Variants in CLCN5 observed in about 807,000 individuals in gnomAD.
CLCN5 encodes Cl-/H+ antiporter 5, also known as H(+)/Cl(-) exchange transporter 5.
Under a neutral mutation model 54.0 loss-of-function variants are expected in CLCN5, and 17 were observed. The observed-to-expected ratio is 0.31, with a 90% CI of 0.22 to 0.47. The LOEUF (loss-of-function observed/expected upper bound fraction) is 0.47, where lower values mean the gene tolerates loss of function less well. Among genes scored for constraint, CLCN5 ranks in the 20% least tolerant of loss-of-function variants. The pLI, the probability that CLCN5 is intolerant of heterozygous loss-of-function variation, is 1.00. For synonymous variants in CLCN5, 222 were observed against 233.0 expected, an observed-to-expected ratio of 0.95 and a Z score of 0.43; for missense variants, 448 against 646.7, an observed-to-expected ratio of 0.69 and a Z score of 3.33.
chrX:49,999,547 C>T (rs150940072), intron 3 of CLCN5, among the ~76,000 whole-genome samples: 3 of 110,403 alleles, frequency 2.7e-5, no homozygotes, highest in African/African-American at 9.9e-5. Context: ...ATCCTTCGGC[C>T]TGTTAGTGTT....
intron 4 of CLCN5, among the ~76,000 whole-genome samples, chrX:50,045,081 G>C (rs1932351152): frequency 9.0e-6 from 1 of 111,237 alleles, no homozygotes; most frequent in Non-Finnish European, 1.9e-5. Context: ...ATTATAACTG[G>C]GGAATAATAC....
chrX:50,076,090 C>A, intron 7 of CLCN5, 108 bp downstream of exon 7: 1 of 745,827 alleles, frequency 1.3e-6, no homozygotes, highest in Non-Finnish European at 2.0e-6. Context: ...TTTTCCTTTC[C>A]ACAGAAAGGG....
rs369114709 is a variant in CLCN5, at chrX:49,924,618, C to T, written c.-128-553C>T. Among the ~76,000 whole-genome samples the T allele has an allele frequency of 6.3e-5, 7 of 111,814 alleles. No homozygotes were observed. In the East Asian group the frequency reaches 1.1e-3, roughly 18 times the overall value. On this transcript the variant is annotated intron_variant, in intron 2 of 14. Coordinates refer to ENST00000376091, the MANE Select transcript of CLCN5 (RefSeq NM_001127898.4). ...TCCCCCTGATTATAAAAGCAATATA[C>T]GCTCACTATAGGAAATTTGCAAAGG...
At chrX:49,993,410 T>C (rs1245096111) in intron 3 of CLCN5, among the ~76,000 whole-genome samples, 1 of 112,155 alleles carries the variant, frequency 8.9e-6, no homozygotes, top group African/African-American at 3.2e-5. Context: ...ATGTGCTAAA[T>C]TCCAAAGCCA....
intron 1 of CLCN5, among the ~76,000 whole-genome samples, 191 bp downstream of exon 1, chrX:49,922,983 G>C (rs926461854): frequency 1.1e-4 from 12 of 113,148 alleles, no homozygotes; most frequent in Admixed American, 8.3e-4. Context: ...AGACAGGCTA[G>C]TTCCAGCCAG....
At position 50,042,357 on chromosome X, in the gene CLCN5, A is replaced by G; in HGVS notation, c.58A>G (p.Ser20Gly). The stretch of plus-strand genomic sequence containing the variant: ...AGGCTTTCAGCAGGGGAGTTTTAGT[A>G]GCTTCCAGAACAGCTCCAGTGATGA... Reference protein sequence around the residue: ...NRGFQQGSFSSFQNSSSDEDL... With the variant: ...NRGFQQGSFSGFQNSSSDEDL... Residue 20 changes from serine to glycine, a missense_variant, in exon 4 of 15, where the codon AGC becomes GGC. This residue lies in a region of CLCN5 where 69 missense variants were observed against 60.9 expected (regional missense o/e 1.13). Coordinates refer to ENST00000376091, the MANE Select transcript of CLCN5 (RefSeq NM_001127898.4). 1 of 1,175,549 alleles carries G rather than the reference A, an allele frequency of 8.5e-7. No homozygotes were observed. The highest frequency in any genetic ancestry group is 2.3e-4 in the Middle Eastern group (1 of 4,262).
chrX:49,984,306 A>T (rs782518178), intron 3 of CLCN5, among the ~76,000 whole-genome samples: 1 of 112,161 alleles, frequency 8.9e-6, no homozygotes, highest in Non-Finnish European at 1.9e-5. Flanking sequence ...GTTGATGTAT[A>T]GCTTGCTAAT....
intron 3 of CLCN5, among the ~76,000 whole-genome samples, chrX:49,955,417 G>A (rs1262644603): frequency 8.2e-5 from 9 of 109,300 alleles, no homozygotes; most frequent in Non-Finnish European, 1.5e-4. Flanking sequence ...AACAGCTTCC[G>A]ATTAGCTGTT....
At chrX:50,069,482 A>G (rs1355157341) in intron 4 of CLCN5, 1 of 759,252 alleles carries the variant, frequency 1.3e-6, no homozygotes, top group Non-Finnish European at 1.6e-6. Context: ...TTATTGCCTT[A>G]TAAATGTAAA....
intron 3 of CLCN5, among the ~76,000 whole-genome samples, chrX:49,941,389 C>T (rs1232942953): frequency 9.0e-6 from 1 of 111,264 alleles, no homozygotes; most frequent in Non-Finnish European, 1.9e-5. Flanking sequence ...CTTTCTTGAC[C>T]TCAGTCAACT....
intron 3 of CLCN5, among the ~76,000 whole-genome samples, chrX:49,946,304 T>C (rs1425506302): frequency 8.9e-6 from 1 of 111,809 alleles, no homozygotes; most frequent in East Asian, 2.8e-4. Flanking sequence ...GGTCAGGAGA[T>C]GGTCGTGGCT....
At chrX:50,088,333 T>C (rs1159326611) in intron 11 of CLCN5, 2 of 217,623 alleles carry the variant, frequency 9.2e-6, no homozygotes, top group Non-Finnish European at 1.7e-5. Flanking sequence ...AGGGTAGTCA[T>C]TGTTGATAAG....
At chrX:49,925,335 C>T in intron 3 of CLCN5, 21 bp downstream of exon 3, 2 of 1,202,633 alleles carry the variant, frequency 1.7e-6, no homozygotes, top group East Asian at 3.0e-5. Context: ...AGCACTTATT[C>T]TTCTAACTGG....
chrX:50,042,582 A>G (rs1932265080), intron 4 of CLCN5, 120 bp downstream of exon 4: 1 of 423,262 alleles, frequency 2.4e-6, no homozygotes, highest in Non-Finnish European at 3.6e-6. Context: ...ACAAATGGCT[A>G]GATTATTGTA....
intron 3 of CLCN5, among the ~76,000 whole-genome samples, chrX:49,960,392 C>A (rs1438474875): frequency 1.8e-5 from 2 of 110,413 alleles, no homozygotes; most frequent in East Asian, 5.7e-4. Context: ...TTCACTAATC[C>A]TTTTTTACAC....
At chrX:50,056,313 G>A in intron 4 of CLCN5, among the ~76,000 whole-genome samples, 1 of 110,920 alleles carries the variant, frequency 9.0e-6, no homozygotes, top group Non-Finnish European at 1.9e-5. Context: ...GCTACCCAAA[G>A]GATTTCCCAA....
At chrX:50,040,874 A>G (rs1932190778) in intron 3 of CLCN5, among the ~76,000 whole-genome samples, 1 of 112,005 alleles carries the variant, frequency 8.9e-6, no homozygotes, top group Non-Finnish European at 1.9e-5. Context: ...TCTCTTTATC[A>G]CAAATGAGGT....
At chrX:50,067,149 ACTTG>A (rs1431901217) in intron 4 of CLCN5, among the ~76,000 whole-genome samples, 1 of 111,370 alleles carries the variant, frequency 9.0e-6, no homozygotes, top group African/African-American at 3.3e-5. Context: ...AAATGATATA[ACTTG>A]CTTGCCTGTT....
At chrX:50,070,364 G>T (rs1933180258) in intron 5 of CLCN5, among the ~76,000 whole-genome samples, 1 of 111,874 alleles carries the variant, frequency 8.9e-6, no homozygotes, top group Non-Finnish European at 1.9e-5. Flanking sequence ...AGTCGCAAAG[G>T]ATCCTCACAG....
Sources: gnomAD v4.1 joint callset for allele counts (sites outside exome capture counted in the v4.1 genomes callset) on GRCh38, gnomAD v4.1.1 for gene constraint, gnomAD v4.1.1 regional missense constraint, MANE v1.5 for transcripts, NCBI Gene and HGNC (gene_info 2026-07-23, HGNC 2026-07-21) for gene names.